ASB4: variants seen among roughly 807,000 people sequenced by gnomAD.
The protein encoded by ASB4 is ankyrin repeat and SOCS box protein 4.
In ASB4, 35 loss-of-function variants were observed where a neutral mutation model predicts 38.6. The ratio of observed to expected loss-of-function variants is 0.91; its 90% confidence interval spans 0.69 to 1.20. The LOEUF is 1.20. Ranked by LOEUF, ASB4 falls within the 50% of genes most tolerant of loss-of-function variation. The pLI is 0.00. For synonymous variants in ASB4, 195 were observed against 201.3 expected, an observed-to-expected ratio of 0.97 and a Z score of 0.26; for missense variants, 557 against 527.2, an observed-to-expected ratio of 1.06 and a Z score of -0.55.
At chr7:95,529,701 C>T (rs1336223100) in intron 3 of ASB4, among the ~76,000 whole-genome samples, 2 of 152,124 alleles carry the variant, frequency 1.3e-5, no homozygotes, top group Non-Finnish European at 2.9e-5. Context: ...TAGGGAACTA[C>T]AAATGATTAA....
chr7:95,537,483 T>G, intron 4 of ASB4, 88 bp from the exon 5 acceptor site: 1 of 1,176,508 alleles, frequency 8.5e-7, no homozygotes. Context: ...TGCCATTACG[T>G]ATAGAGGTTA....
intron 2 of ASB4, among the ~76,000 whole-genome samples, chr7:95,525,615 T>G (rs1790726530): frequency 6.6e-6 from 1 of 152,188 alleles, no homozygotes; most frequent in Non-Finnish European, 1.5e-5. Context: ...CAAGTTGGCC[T>G]GTAAGAATTT....
the ASB4 span, among the ~76,000 whole-genome samples, chr7:95,551,105 C>T: frequency 2.0e-5 from 3 of 152,108 alleles, no homozygotes; most frequent in African/African-American, 7.2e-5. Context: ...CTCAGCCTCC[C>T]GAATAGCTGG....
chr7:95,532,579 C>A (rs1037845009), intron 3 of ASB4, among the ~76,000 whole-genome samples: 1 of 152,224 alleles, frequency 6.6e-6, no homozygotes, highest in Middle Eastern at 3.4e-3. Context: ...AGGCAGTTCT[C>A]TTTGATCATT....
chr7:95,479,721 A>G (rs1057223674), intron 1 of ASB4, among the ~76,000 whole-genome samples: 1 of 152,214 alleles, frequency 6.6e-6, no homozygotes, highest in African/African-American at 2.4e-5. Flanking sequence ...TCAGGCCTAG[A>G]ACACAGCAGA....
intron 2 of ASB4, among the ~76,000 whole-genome samples, chr7:95,521,400 C>T (rs1790660049): frequency 6.6e-6 from 1 of 152,084 alleles, no homozygotes; most frequent in East Asian, 1.9e-4. Context: ...ATTTAATTGG[C>T]AAACACTAAG....
chr7:95,503,366 C>G (rs751531667), intron 2 of ASB4, among the ~76,000 whole-genome samples: 1 of 152,172 alleles, frequency 6.6e-6, no homozygotes, highest in Non-Finnish European at 1.5e-5. Context: ...TGTTTTCTTT[C>G]CTTTGCATTT....
chr7:95,487,200 G>A (rs778304656), intron 1 of ASB4, among the ~76,000 whole-genome samples: 1 of 152,102 alleles, frequency 6.6e-6, no homozygotes, highest in Non-Finnish European at 1.5e-5. Context: ...ATATAGAAGA[G>A]CTCAGGCTAG....
chr7:95,483,206 C>G (rs1363831568), upstream of ASB4, among the ~76,000 whole-genome samples: 1 of 152,128 alleles, frequency 6.6e-6, no homozygotes, highest in South Asian at 2.1e-4. Flanking sequence ...TCTGAGGACC[C>G]CCTTTTCTTT....
chr7:95,536,517 G>A lies in ASB4; in HGVS notation c.1059G>A (p.Lys353=), dbSNP rs754799002. Residue 353 remains lysine (K), a synonymous_variant, in exon 4 of 5, where the codon AAG becomes AAA. Coordinates refer to ENST00000325885, the MANE Select transcript of ASB4 (RefSeq NM_016116.3). Reference sequence around the variant, plus strand: ...ATGAACACATCAGATGGAACACAAAGTGGAGAAGAGCTATCCCCGATGATG... The same window carrying A: ...ATGAACACATCAGATGGAACACAAAATGGAGAAGAGCTATCCCCGATGATG... The part of the protein sequence containing the change: ...NAYEHIRWNT[K]WRRAIPDDDL... 7.4e-6 allele frequency: 12 copies of A among 1,612,690 alleles called. No individual in the cohort carries two copies. The East Asian group carries it at 2.0e-4, about 27-fold the overall frequency.
chr7:95,510,280 GCA>G (rs749893678), intron 2 of ASB4, among the ~76,000 whole-genome samples: 2 of 152,144 alleles, frequency 1.3e-5, no homozygotes, highest in Non-Finnish European at 2.9e-5. Flanking sequence ...GAGTTGCAAA[GCA>G]CACTCTCAAC....
intron 2 of ASB4, among the ~76,000 whole-genome samples, chr7:95,508,601 A>G (rs1487484142): frequency 6.6e-6 from 1 of 152,164 alleles, no homozygotes; most frequent in Non-Finnish European, 1.5e-5. Context: ...CACAGGTGGC[A>G]CAGGTGGTTT....
chr7:95,500,669 G>T (rs1048101755), intron 2 of ASB4, among the ~76,000 whole-genome samples: 14 of 150,486 alleles, frequency 9.3e-5, no homozygotes, highest in Non-Finnish European at 1.9e-4. Context: ...CTTCTTCTTT[G>T]GTTCACTTGT....
chr7:95,550,896 T>G, the ASB4 span, among the ~76,000 whole-genome samples: 1 of 152,206 alleles, frequency 6.6e-6, no homozygotes, highest in Admixed American at 6.5e-5. Context: ...CAAAGTTTTC[T>G]TAAATCCTTG....
At chr7:95,501,617 G>A (rs1415041396) in intron 2 of ASB4, among the ~76,000 whole-genome samples, 1 of 152,122 alleles carries the variant, frequency 6.6e-6, no homozygotes, top group East Asian at 1.9e-4. Flanking sequence ...TCATCATCCG[G>A]TGTAACTGAA....
chr7:95,515,169 CTT>C (rs1187064611), intron 2 of ASB4, among the ~76,000 whole-genome samples: 2,435 of 55,896 alleles, frequency 0.044, 75 homozygotes, highest in African/African-American at 0.077. Context: ...TTCTCTTTCT[CTT>C]TCTTTCTTTC....
At position 95,537,558 on chromosome 7, in the gene ASB4, C is replaced by T; in HGVS notation, c.1093-13C>T. ...GCCTTGCTAACTTTAATTTGTCTTG[C>T]CTTCCTTTTCAGAAATACTGGGATT... is the stretch of plus-strand genomic sequence containing the variant. On this transcript the variant is annotated splice_polypyrimidine_tract_variant and intron_variant, in intron 4 of 4. Transcript: ENST00000325885. 1 of 1,582,154 alleles carries T rather than the reference C, an allele frequency of 6.3e-7. No homozygotes were observed. The highest frequency in any genetic ancestry group is 1.3e-5 in the African/African-American group (1 of 74,126).
intron 2 of ASB4, among the ~76,000 whole-genome samples, chr7:95,496,667 G>A (rs1195980474): frequency 6.6e-6 from 1 of 151,968 alleles, no homozygotes; most frequent in Non-Finnish European, 1.5e-5. Flanking sequence ...GGCAACATAG[G>A]GAGACCCCAT....
chr7:95,488,320 GAC>G, intron 1 of ASB4, among the ~76,000 whole-genome samples: 1 of 151,600 alleles, frequency 6.6e-6, no homozygotes, highest in African/African-American at 2.4e-5. Context: ...CAGCCTGGGT[GAC>G]ACAGGGAGAC....
Sources: gnomAD v4.1 joint callset for allele counts (sites outside exome capture counted in the v4.1 genomes callset) on GRCh38, gnomAD v4.1.1 for gene constraint, MANE v1.5 for transcripts, NCBI Gene and HGNC (gene_info 2026-07-23, HGNC 2026-07-21) for gene names.